GON4L: variants seen among roughly 807,000 people sequenced by gnomAD.
The protein encoded by GON4L is gon-4 like, also known as GON-4-like protein.
GON4L carries 87 observed loss-of-function variants against 211.8 expected under a neutral mutation model. The observed-to-expected ratio is 0.41, with a 90% CI of 0.35 to 0.49. The LOEUF (loss-of-function observed/expected upper bound fraction) is 0.49. GON4L is among the 20% of genes least tolerant of loss of function. The pLI is 0.15. For missense variants in GON4L, 2,155 were observed against 2,659.5 expected, an observed-to-expected ratio of 0.81 and a Z score of 4.17; for synonymous variants, 875 against 962.6, an observed-to-expected ratio of 0.91 and a Z score of 1.68.
intron 3 of GON4L, among the ~76,000 whole-genome samples, chr1:155,825,605 G>A (rs12075435): frequency 0.029 from 4,102 of 141,410 alleles, 191 homozygotes; most frequent in African/African-American, 0.099. Context: ...GAGAATAAAC[G>A]CAGTCACAAT....
Position 155,760,638 on chromosome 1 carries a change from G to A in GON4L, c.4915C>T (p.Arg1639Ter). 1.2e-6 allele frequency: 2 copies of A among 1,602,988 alleles called. No homozygotes were observed. Among genetic ancestry groups the A allele is most frequent in the Non-Finnish European group, 1.7e-6 (2 of 1,170,014 alleles). ...AFAQAYLTRV[R>*]EALQHIPGKY... is the part of the protein sequence containing the mutation. The stretch of plus-strand genomic sequence containing the variant: ...CCAGGGATATGTTGTAGGGCTTCTC[G>A]CACCTACACGGGAAGACTTTCAATC... The change falls in exon 24 of 32, where the codon CGA becomes TGA. Residue 1639 changes from arginine to a stop codon, truncating the protein, a stop_gained. Coordinates refer to ENST00000368331, the MANE Select transcript of GON4L (RefSeq NM_001282860.2). LOFTEE classifies it high-confidence loss of function.
At chr1:155,804,255 C>G (rs751052991) in intron 11 of GON4L, among the ~76,000 whole-genome samples, 4 of 152,030 alleles carry the variant, frequency 2.6e-5, no homozygotes, top group African/African-American at 9.7e-5. Flanking sequence ...TGCCTATAAT[C>G]TCAGCTACTT....
chr1:155,779,193 G>T (rs1381035060), intron 14 of GON4L, among the ~76,000 whole-genome samples: 1 of 145,128 alleles, frequency 6.9e-6, no homozygotes, highest in Non-Finnish European at 1.5e-5. Context: ...GGTGGAGCTT[G>T]CAGTGAGCCG....
chr1:155,755,009 T>G (rs1298278491), intron 27 of GON4L, among the ~76,000 whole-genome samples: 1 of 148,886 alleles, frequency 6.7e-6, no homozygotes, highest in Admixed American at 6.8e-5. Context: ...TGGGCTCAAG[T>G]GATTTTCCCA....
At chr1:155,811,754 C>CAAAA (rs145360103) in intron 10 of GON4L, among the ~76,000 whole-genome samples, 520 of 32,372 alleles carry the variant, frequency 0.016, 26 homozygotes, top group African/African-American at 0.023. Flanking sequence ...GACTCTGTCT[C>CAAAA]AAAAAAAAAA....
chr1:155,798,913 T>C (rs1557874202), intron 11 of GON4L, among the ~76,000 whole-genome samples: 1 of 152,122 alleles, frequency 6.6e-6, no homozygotes, highest in African/African-American at 2.4e-5. Context: ...TGAAAAATCA[T>C]TTAGGGGGAT....
chr1:155,853,346 G>A lies in GON4L; in HGVS notation c.435C>T (p.Asp145=). Residue 145 remains aspartate, a synonymous_variant, in exon 2 of 32, where the codon GAC becomes GAT. Coordinates refer to ENST00000368331, the MANE Select transcript of GON4L (RefSeq NM_001282860.2). The stretch of plus-strand genomic sequence containing the variant: ...CCTTTAGGGTAAGATGATCACATCT[G>A]TCTTCTTGGGTAACTGGCCCAGGCC... ...TLRPGPVTQE[D]RCDHLTLKEP... 6.2e-7 allele frequency: 1 copy of A among 1,613,858 alleles called. No homozygotes were observed. The highest frequency in any genetic ancestry group is 8.5e-7 in the Non-Finnish European group (1 of 1,179,728).
intron 19 of GON4L, among the ~76,000 whole-genome samples, chr1:155,768,381 T>C (rs367723668): frequency 6.8e-6 from 1 of 147,766 alleles, no homozygotes; most frequent in Non-Finnish European, 1.5e-5. Context: ...GAGGTTGAGG[T>C]GGGCAGATCA....
intron 2 of GON4L, among the ~76,000 whole-genome samples, chr1:155,830,573 G>A (rs531846923): frequency 6.6e-6 from 1 of 151,936 alleles, no homozygotes; most frequent in African/African-American, 2.4e-5. Flanking sequence ...CACCGCACTT[G>A]GCCAAGTAGT....
intron 23 of GON4L, among the ~76,000 whole-genome samples, chr1:155,761,545 G>C (rs1661806390): frequency 6.7e-6 from 1 of 150,144 alleles, no homozygotes; most frequent in Non-Finnish European, 1.5e-5. Context: ...ACCAAGGCTG[G>C]AGTGCAGTGG....
intron 31 of GON4L, among the ~76,000 whole-genome samples, chr1:155,751,543 G>A (rs976482467): frequency 4.6e-5 from 7 of 152,084 alleles, no homozygotes; most frequent in South Asian, 2.1e-4. Context: ...GTGAAACTGC[G>A]TCTAAAATAC....
downstream of GON4L, chr1:155,748,136 C>T (rs886428357): frequency 5.7e-5 from 91 of 1,589,134 alleles, no homozygotes; most frequent in Non-Finnish European, 7.4e-5. Flanking sequence ...ATGTAAGTCT[C>T]GGTGCTCTTG....
chr1:155,776,426 T>C lies in GON4L; in HGVS notation c.2147A>G (p.Asn716Ser), dbSNP rs772990688. The change falls in exon 16 of 32, where the codon AAT becomes AGT. Residue 716 changes from asparagine to serine, a missense_variant. Around this residue, in one of 6 missense-constraint regions of GON4L, gnomAD observed 551 missense variants for 854.0 expected, o/e 0.65. Transcript: ENST00000368331. ...TATCCTGGTGGTAGTGGCCTCCGGA[T>C]TGAGGTTGGGGTTGCAGGTGGCAAG... The part of the protein sequence containing the change: ...HLLATCNPNL[N>S]PEATTTRIFL... 10 of 1,612,734 alleles carry C rather than the reference T, an allele frequency of 6.2e-6. 1 individual carries two copies. Among genetic ancestry groups the C allele is most frequent in the East Asian group, 2.2e-5 (1 of 44,874 alleles).
At chr1:155,828,187 T>G (rs757587130) in intron 2 of GON4L, among the ~76,000 whole-genome samples, 54 of 151,524 alleles carry the variant, frequency 3.6e-4, no homozygotes, top group Admixed American at 9.2e-4. Flanking sequence ...CAAAGAAATA[T>G]TCATGTAGTA....
intron 3 of GON4L, among the ~76,000 whole-genome samples, chr1:155,824,932 G>A (rs902117449): frequency 2.6e-5 from 4 of 151,582 alleles, no homozygotes; most frequent in Non-Finnish European, 2.9e-5. Context: ...GGGACTGCTC[G>A]AGCCCAGAAA....
At chr1:155,781,885 T>C (rs1023514060) in intron 14 of GON4L, among the ~76,000 whole-genome samples, 2 of 152,174 alleles carry the variant, frequency 1.3e-5, no homozygotes, top group Non-Finnish European at 2.9e-5. Context: ...GCCTCCCAAG[T>C]AGCTGGGATT....
At chr1:155,781,809 TAC>T (rs1400764588) in intron 14 of GON4L, among the ~76,000 whole-genome samples, 1 of 151,528 alleles carries the variant, frequency 6.6e-6, no homozygotes, top group African/African-American at 2.4e-5. Flanking sequence ...CAGGCTGGAG[TAC>T]AGTGGCACAA....
chr1:155,855,533 G>A (rs1040301301), intron 1 of GON4L, among the ~76,000 whole-genome samples: 4 of 152,040 alleles, frequency 2.6e-5, no homozygotes, highest in South Asian at 2.1e-4. Context: ...TTCAGTATTT[G>A]GGTATTGTAG....
downstream of GON4L, chr1:155,748,891 C>G (rs908363915): frequency 9.0e-6 from 10 of 1,106,196 alleles, no homozygotes; most frequent in Admixed American, 2.5e-4. Flanking sequence ...CTCCCCACCC[C>G]TTAAAAAGGA....
Sources: allele counts gnomAD v4.1 joint callset (sites outside exome capture counted in the v4.1 genomes callset), GRCh38; gene constraint gnomAD v4.1.1; regional missense constraint gnomAD v4.1.1; transcripts MANE v1.5; gene names NCBI Gene and HGNC (gene_info 2026-07-23, HGNC 2026-07-21).